The following NEK7 variants were observed in gnomAD, a reference collection of about 807,000 sequenced individuals.
The protein encoded by NEK7 is serine/threonine-protein kinase Nek7.
Under a neutral mutation model 44.6 loss-of-function variants are expected in NEK7, and 18 were observed. The observed-to-expected ratio is 0.40, with a 90% CI of 0.28 to 0.60. NEK7 has a LOEUF of 0.60. Among genes scored for constraint, NEK7 ranks in the 20% least tolerant of loss-of-function variants. The pLI, the probability that NEK7 is intolerant of heterozygous loss-of-function variation, is 0.38. For missense variants in NEK7, 256 were observed against 366.5 expected, an observed-to-expected ratio of 0.70 and a Z score of 2.46; for synonymous variants, 130 against 121.1, an observed-to-expected ratio of 1.07 and a Z score of -0.48.
At chr1:198,160,875 G>A in intron 1 of NEK7, among the ~76,000 whole-genome samples, 1 of 152,150 alleles carries the variant, frequency 6.6e-6, no homozygotes. Context: ...TTATTCCTAG[G>A]TGTTGTGTAT....
chr1:198,280,618 A>C (rs963155171), intron 7 of NEK7, among the ~76,000 whole-genome samples: 1 of 151,868 alleles, frequency 6.6e-6, no homozygotes, highest in Non-Finnish European at 1.5e-5. Context: ...TGCTAGTAGA[A>C]ATTATAGAGT....
chr1:198,282,752 G>A (rs923996221), intron 7 of NEK7, among the ~76,000 whole-genome samples: 2 of 152,034 alleles, frequency 1.3e-5, no homozygotes, highest in Admixed American at 6.6e-5. Context: ...AGTTCTCCAG[G>A]TACAATTTAT....
In NEK7 at chr1:198,266,508, GTAATGAGTTATA is replaced by G. The variant is rs1455024706; in HGVS notation, c.372+2277_372+2288del. On this transcript the variant is annotated intron_variant, in intron 5 of 9. Coordinates refer to ENST00000367385, the MANE Select transcript of NEK7 (RefSeq NM_133494.3). ...AATATAAAACTATATACCTGCAGTT[GTAATGAGTTATA>G]TAAAGGAAAAGTGTGGGTTATAAGG... is the stretch of plus-strand genomic sequence containing the variant. Among the ~76,000 whole-genome samples the G allele has an allele frequency of 6.6e-5, 10 of 152,114 alleles. No homozygotes were observed. The East Asian group carries it at 1.9e-3, about 29-fold the overall frequency.
At chr1:198,262,336 C>T (rs1653503590) in intron 3 of NEK7, among the ~76,000 whole-genome samples, 1 of 151,810 alleles carries the variant, frequency 6.6e-6, no homozygotes, top group African/African-American at 2.4e-5. Flanking sequence ...AACTTAAGAC[C>T]TGAGTGTTAA....
intron 5 of NEK7, among the ~76,000 whole-genome samples, chr1:198,274,691 G>A (rs1329951253): frequency 6.6e-6 from 1 of 151,640 alleles, no homozygotes; most frequent in Non-Finnish European, 1.5e-5. Context: ...TATTCTACTT[G>A]GAGTTGTAAT....
intron 3 of NEK7, among the ~76,000 whole-genome samples, chr1:198,255,812 AT>A (rs1653242397): frequency 6.6e-6 from 1 of 152,152 alleles, no homozygotes; most frequent in Non-Finnish European, 1.5e-5. Flanking sequence ...TTCTTACCTT[AT>A]TTATTAGGGA....
intron 1 of NEK7, among the ~76,000 whole-genome samples, chr1:198,163,529 A>T (rs1160194430): frequency 2.0e-5 from 3 of 152,164 alleles, no homozygotes; most frequent in Non-Finnish European, 4.4e-5. Context: ...AAATAAAAAA[A>T]AAATTAAAAA....
intron 1 of NEK7, among the ~76,000 whole-genome samples, chr1:198,185,691 T>G (rs2102755036): frequency 6.6e-6 from 1 of 152,318 alleles, no homozygotes; most frequent in East Asian, 1.9e-4. Flanking sequence ...TAGTGCTGCC[T>G]GGAATGTCCT....
intron 1 of NEK7, among the ~76,000 whole-genome samples, chr1:198,204,606 C>G (rs12034629): frequency 6.6e-6 from 1 of 151,222 alleles, no homozygotes; most frequent in South Asian, 2.1e-4. Context: ...GTAGTCCCAG[C>G]TACTCGGGAG....
At chr1:198,240,252 C>T (rs1666645238) in intron 2 of NEK7, among the ~76,000 whole-genome samples, 1 of 152,150 alleles carries the variant, frequency 6.6e-6, no homozygotes, top group Non-Finnish European at 1.5e-5. Context: ...TTAGATTCAT[C>T]ACACTTACAT....
At chr1:198,252,567 T>A (rs1330998716) in intron 2 of NEK7, among the ~76,000 whole-genome samples, 3 of 50,992 alleles carry the variant, frequency 5.9e-5, no homozygotes, top group Non-Finnish European at 9.2e-5. Flanking sequence ...TATATATATA[T>A]AAAAAGTACA....
At chr1:198,289,396 T>C (rs1454836034) in intron 7 of NEK7, among the ~76,000 whole-genome samples, 1 of 152,092 alleles carries the variant, frequency 6.6e-6, no homozygotes, top group Non-Finnish European at 1.5e-5. Context: ...TCCAGATGGA[T>C]TTTTGTAGAG....
chr1:198,256,050 G>T (rs745563866), intron 3 of NEK7, among the ~76,000 whole-genome samples: 7 of 151,974 alleles, frequency 4.6e-5, no homozygotes, highest in Non-Finnish European at 1.0e-4. Flanking sequence ...ATTAAATATT[G>T]AATTTCCTCA....
intron 1 of NEK7, among the ~76,000 whole-genome samples, chr1:198,209,941 C>T (rs1197625649): frequency 2.0e-5 from 3 of 151,430 alleles, no homozygotes; most frequent in Non-Finnish European, 4.4e-5. Flanking sequence ...ATCAGCCTCC[C>T]TAATAGCTGG....
At chr1:198,257,547 A>T (rs1014516547) in intron 3 of NEK7, among the ~76,000 whole-genome samples, 1 of 152,190 alleles carries the variant, frequency 6.6e-6, no homozygotes, top group African/African-American at 2.4e-5. Flanking sequence ...CATTGTGATT[A>T]ATAAATTTAT....
intron 9 of NEK7, among the ~76,000 whole-genome samples, chr1:198,306,540 T>C (rs1417595595): frequency 6.6e-6 from 1 of 152,182 alleles, no homozygotes; most frequent in Non-Finnish European, 1.5e-5. Context: ...CACAGGTGAC[T>C]ATTTTATCCT....
rs779945164 is a variant in NEK7 at position 198,253,165 on chromosome 1, T to C, written c.183T>C (p.Ala61=). 4 of 1,602,480 alleles carry C rather than the reference T, an allele frequency of 2.5e-6. No individual in the cohort carries two copies. The highest frequency in any genetic ancestry group is 2.6e-6 in the Non-Finnish European group (3 of 1,174,202). ...AACLLDGVPV[A]LKKVQIFDLM... Reference sequence around the variant, plus strand: ...GTCTCTTGGATGGAGTACCAGTAGCTTTAAAAAAAGTGCAGGTAAGATGAC... The same window carrying C: ...GTCTCTTGGATGGAGTACCAGTAGCCTTAAAAAAAGTGCAGGTAAGATGAC... The change falls in exon 3 of 10, where the codon GCT becomes GCC. Residue 61 remains alanine (A), a synonymous_variant. Coordinates refer to ENST00000367385, the MANE Select transcript of NEK7 (RefSeq NM_133494.3).
At chr1:198,306,055 C>G (rs1655016787) in intron 9 of NEK7, among the ~76,000 whole-genome samples, 1 of 152,058 alleles carries the variant, frequency 6.6e-6, no homozygotes, top group African/African-American at 2.4e-5. Flanking sequence ...GCCCCTTATG[C>G]CTTTGTGGCC....
chr1:198,217,765 A>G (rs1665963863), intron 1 of NEK7, among the ~76,000 whole-genome samples: 2 of 151,632 alleles, frequency 1.3e-5, no homozygotes, highest in Admixed American at 1.3e-4. Flanking sequence ...TACAGAAATC[A>G]GTAACACTGC....
Sources: gnomAD v4.1 joint callset for allele counts (sites outside exome capture counted in the v4.1 genomes callset) on GRCh38, gnomAD v4.1.1 for gene constraint, MANE v1.5 for transcripts, NCBI Gene and HGNC (gene_info 2026-07-23, HGNC 2026-07-21) for gene names.